Variants in AGAP1 observed in about 807,000 individuals in gnomAD.
The protein encoded by AGAP1 is ArfGAP with GTPase domain, ankyrin repeat and PH domain 1, also known as arf-GAP with GTPase, ANK repeat and PH domain-containing protein 1.
AGAP1 carries 29 observed loss-of-function variants against 105.3 expected under a neutral mutation model. The observed-to-expected ratio is 0.28, with a 90% CI of 0.21 to 0.38. AGAP1 has a LOEUF of 0.38. Ranked by LOEUF, AGAP1 falls within the 10% of genes least tolerant of loss-of-function variation. The probability of loss-of-function intolerance (pLI) is 1.00; values close to 1 mark genes in which losing one functional copy is unlikely to be tolerated. For synonymous variants in AGAP1, 509 were observed against 485.9 expected (o/e 1.05, Z -0.63); for missense variants, 998 against 1,165.1 (o/e 0.86, Z 2.09).
intron 1 of AGAP1, among the ~76,000 whole-genome samples, chr2:235,605,804 G>A (rs868101918): frequency 6.6e-6 from 1 of 152,174 alleles, no homozygotes; most frequent in African/African-American, 2.4e-5. Context: ...GAATTTCAGC[G>A]CAGATCCGAT....
At chr2:235,911,013 C>G (rs1356623738) in intron 11 of AGAP1, among the ~76,000 whole-genome samples, 3 of 152,160 alleles carry the variant, frequency 2.0e-5, no homozygotes, top group Non-Finnish European at 4.4e-5. Flanking sequence ...ATTTCCACCT[C>G]CCTTCTGACC....
At position 236,003,871 on chromosome 2, in the gene AGAP1, A is replaced by T. The variant is rs955539046; in HGVS notation, c.1646-32690A>T. ...TCCAAAGAACTTAAAATGAAAGAAT[A>T]TGAGAAAACCCCTAAATAATACATA... On this transcript the variant is annotated intron_variant, in intron 13 of 17. Coordinates refer to ENST00000304032, the MANE Select transcript of AGAP1 (RefSeq NM_001037131.3). The surrounding 1 kb of genome is among the most constrained non-coding windows in gnomAD (Gnocchi z 4.2). Among the ~76,000 whole-genome samples, 2 of 152,110 alleles carry T rather than the reference A, an allele frequency of 1.3e-5. No homozygotes were observed. The highest frequency in any genetic ancestry group is 1.5e-5 in the Non-Finnish European group (1 of 68,030).
chr2:235,512,511 T>A (rs555362784), intron 1 of AGAP1, among the ~76,000 whole-genome samples: 1 of 152,312 alleles, frequency 6.6e-6, no homozygotes, highest in South Asian at 2.1e-4. Context: ...AGAGGATTGC[T>A]TGAGCCTAGG....
chr2:235,550,093 A>C lies in AGAP1; in HGVS notation c.163+55244A>C, dbSNP rs1414593296. On this transcript the variant is annotated intron_variant, in intron 1 of 17. Coordinates refer to ENST00000304032, the MANE Select transcript of AGAP1 (RefSeq NM_001037131.3). This position sits in a 1 kb window ranked among gnomAD's most constrained non-coding sequence, Gnocchi z 4.6. ...GGGTAGGGTTGCTGCTTCAGAGATC[A>C]AGTGGCATGTCCACATCTGGAGTAG... Among the ~76,000 whole-genome samples, 1 of 152,178 alleles carries C rather than the reference A, an allele frequency of 6.6e-6. No individual in the cohort carries two copies. The highest frequency in any genetic ancestry group is 2.4e-5 in the African/African-American group (1 of 41,436).
rs1472284468 is a variant in AGAP1 at position 235,620,683 on chromosome 2, GTCTC to G, written c.164-88489_164-88486del. ...ACCCCAGCTCCCTGACATGTCTGGT[GTCTC>G]TCTCTCCCCACTGGATGGAATATAA... On this transcript the variant is annotated intron_variant, in intron 1 of 17. Coordinates refer to ENST00000304032, the MANE Select transcript of AGAP1 (RefSeq NM_001037131.3). The surrounding 1 kb of genome is among the most constrained non-coding windows in gnomAD (Gnocchi z 4.5). Among the ~76,000 whole-genome samples, 1 of 152,060 alleles carries G rather than the reference GTCTC, an allele frequency of 6.6e-6. No individual in the cohort carries two copies. Among genetic ancestry groups the G allele is most frequent in the African/African-American group, 2.4e-5 (1 of 41,384 alleles).
intron 1 of AGAP1, among the ~76,000 whole-genome samples, chr2:235,694,489 A>G (rs895409438): frequency 6.6e-6 from 1 of 151,408 alleles, no homozygotes; most frequent in African/African-American, 2.4e-5. Flanking sequence ...AAAAAAAAAA[A>G]AAAAAAAAAT....
chr2:235,514,162 G>GCA (rs35684926), intron 1 of AGAP1, among the ~76,000 whole-genome samples: 150 of 150,620 alleles, frequency 1.0e-3, no homozygotes, highest in Middle Eastern at 3.4e-3. Context: ...GTGCGCGCGC[G>GCA]CACACACACA....
Position 236,062,091 on chromosome 2 carries a change from G to A in AGAP1, c.2114+12810G>A, listed in dbSNP as rs373190436. 1.8e-4 allele frequency among the ~76,000 whole-genome samples: 27 copies of A among 152,200 alleles called. No individual in the cohort carries two copies. The highest frequency in any genetic ancestry group is 2.2e-4 in the Non-Finnish European group (15 of 68,012). ...CACTGCAGCCAAATTCCTGCCCTGCGGACGGCCCACAGGGGAGCGAGAGCA... is the reference window on the plus strand; with the variant it reads ...CACTGCAGCCAAATTCCTGCCCTGCAGACGGCCCACAGGGGAGCGAGAGCA... On this transcript the variant is annotated intron_variant, in intron 16 of 17. Transcript: ENST00000304032. This position sits in a 1 kb window ranked among gnomAD's most constrained non-coding sequence, Gnocchi z 4.2.
In AGAP1 at chr2:235,612,564, A is replaced by G. The variant is rs1323596511; in HGVS notation, c.164-96615A>G. ...TTGTATTCAGGTGCTAAGGGAAAAG[A>G]ACGTGACTGTGTGGGGGTCTCCCTG... On this transcript the variant is annotated intron_variant, in intron 1 of 17. Transcript: ENST00000304032. This position sits in a 1 kb window ranked among gnomAD's most constrained non-coding sequence, Gnocchi z 4.3. Among the ~76,000 whole-genome samples the G allele has an allele frequency of 6.6e-6, 1 of 152,242 alleles. No individual in the cohort carries two copies. Among genetic ancestry groups the G allele is most frequent in the Non-Finnish European group, 1.5e-5 (1 of 68,046 alleles).
chr2:235,695,886 C>G (rs1031311356), intron 1 of AGAP1, among the ~76,000 whole-genome samples: 1 of 152,132 alleles, frequency 6.6e-6, no homozygotes, highest in African/African-American at 2.4e-5. Flanking sequence ...TACTGAATAA[C>G]CAACCCCTCT....
chr2:235,683,936 G>C (rs907690418), intron 1 of AGAP1, among the ~76,000 whole-genome samples: 3 of 151,364 alleles, frequency 2.0e-5, no homozygotes, highest in African/African-American at 7.3e-5. Flanking sequence ...CTATGAGTGA[G>C]AACACATGGT....
chr2:235,961,779 G>C lies in AGAP1; in HGVS notation c.1484-6683G>C, dbSNP rs2054198323. On this transcript the variant is annotated intron_variant, in intron 12 of 17. Transcript: ENST00000304032. The surrounding 1 kb of genome is among the most constrained non-coding windows in gnomAD (Gnocchi z 5.9). ...AAAATTAGCTGGGCGTGGTGCAGGA[G>C]AATCTCTTGAACCCAGGAGGCAGAG... Among the ~76,000 whole-genome samples, 1 of 152,226 alleles carries C rather than the reference G, an allele frequency of 6.6e-6. No individual in the cohort carries two copies. The highest frequency in any genetic ancestry group is 1.5e-5 in the Non-Finnish European group (1 of 68,044).
chr2:235,925,711 G>T (rs2052413944), intron 11 of AGAP1, among the ~76,000 whole-genome samples: 1 of 152,170 alleles, frequency 6.6e-6, no homozygotes, highest in Non-Finnish European at 1.5e-5. Flanking sequence ...CGGCCACGTG[G>T]GTTTAGGTCC....
At chr2:235,511,660 A>C (rs1016738446) in intron 1 of AGAP1, among the ~76,000 whole-genome samples, 1 of 152,182 alleles carries the variant, frequency 6.6e-6, no homozygotes, top group Non-Finnish European at 1.5e-5. Context: ...GGAAACTTCT[A>C]TATATAAATC....
At chr2:235,886,964 A>C (rs6714425) in intron 10 of AGAP1, among the ~76,000 whole-genome samples, 3,522 of 152,256 alleles carry the variant, frequency 0.023, 127 homozygotes, top group African/African-American at 0.074. Flanking sequence ...TCTTGGTTCA[A>C]AATGGGAAGA....
At position 235,919,395 on chromosome 2, in the gene AGAP1, T is replaced by A. The variant is rs2052059486; in HGVS notation, c.1324+10489T>A. 3.9e-5 allele frequency among the ~76,000 whole-genome samples: 6 copies of A among 152,196 alleles called. No homozygotes were observed. Among genetic ancestry groups the A allele is most frequent in the Admixed American group, 3.9e-4 (6 of 15,288 alleles). On this transcript the variant is annotated intron_variant, in intron 11 of 17. Transcript: ENST00000304032. The surrounding 1 kb of genome is among the most constrained non-coding windows in gnomAD (Gnocchi z 4.1). ...CCACTCATATAGTGAACGTTTGCGT[T>A]TCTGGAGTATTTCTAGGGAGTGGTC...
chr2:235,869,375 G>C (rs1257827970), intron 9 of AGAP1, among the ~76,000 whole-genome samples: 1 of 133,430 alleles, frequency 7.5e-6, no homozygotes, highest in East Asian at 2.5e-4. Flanking sequence ...ACAAGGTCAG[G>C]AGATTGAGAC....
chr2:236,048,920 T>C (rs1222305538), intron 15 of AGAP1, 139 bp from the exon 16 acceptor site: 1 of 756,490 alleles, frequency 1.3e-6, no homozygotes, highest in Non-Finnish European at 2.2e-6. Flanking sequence ...GAGCACTGGC[T>C]AGGGAGCATT....
chr2:236,115,340 G>C (rs995261312), intron 16 of AGAP1, among the ~76,000 whole-genome samples: 1 of 151,322 alleles, frequency 6.6e-6, no homozygotes, highest in African/African-American at 2.4e-5. Flanking sequence ...TCATTTGACA[G>C]ATGAGGAAAA....
Sources: allele counts gnomAD v4.1 joint callset (sites outside exome capture counted in the v4.1 genomes callset), GRCh38; gene constraint gnomAD v4.1.1; non-coding constraint Gnocchi (gnomAD v3.1); transcripts MANE v1.5; gene names NCBI Gene and HGNC (gene_info 2026-07-23, HGNC 2026-07-21).